The following CNTN4 variants were observed in gnomAD, a reference collection of about 807,000 sequenced individuals.
The protein encoded by CNTN4 is contactin-4.
In CNTN4, 77 loss-of-function variants were observed where a neutral mutation model predicts 122.5. That is an observed-to-expected ratio of 0.63 (90% confidence interval 0.52 to 0.76). The LOEUF (loss-of-function observed/expected upper bound fraction) is 0.76. Among genes scored for constraint, CNTN4 ranks in the 30% least tolerant of loss-of-function variants. The pLI is 0.00. For synonymous variants in CNTN4, 512 were observed against 447.0 expected (o/e 1.15, Z -1.83); for missense variants, 1,256 against 1,259.1 (o/e 1.00, Z 0.04).
At chr3:2,218,179 G>C (rs1335778789) in intron 2 of CNTN4, among the ~76,000 whole-genome samples, 1 of 152,090 alleles carries the variant, frequency 6.6e-6, no homozygotes, top group African/African-American at 2.4e-5. Context: ...GGCTTTTTAT[G>C]GTGGAGTCAA....
intron 4 of CNTN4, among the ~76,000 whole-genome samples, chr3:2,724,795 A>C (rs902401005): frequency 6.6e-6 from 1 of 152,178 alleles, no homozygotes; most frequent in African/African-American, 2.4e-5. Context: ...GAAGGGCTTA[A>C]AACAGATAGT....
At chr3:2,121,724 G>A (rs2033794566) in intron 2 of CNTN4, among the ~76,000 whole-genome samples, 1 of 152,076 alleles carries the variant, frequency 6.6e-6, no homozygotes, top group South Asian at 2.1e-4. Context: ...AAGAGTTAAA[G>A]GTAATTATCC....
chr3:2,960,533 G>A (rs1393281488), intron 13 of CNTN4, among the ~76,000 whole-genome samples: 2 of 152,168 alleles, frequency 1.3e-5, no homozygotes, highest in African/African-American at 4.8e-5. Context: ...TGTAGAAGAA[G>A]GGGAATGTGT....
intron 3 of CNTN4, among the ~76,000 whole-genome samples, chr3:2,428,210 C>T (rs962676041): frequency 2.0e-5 from 3 of 152,082 alleles, no homozygotes; most frequent in South Asian, 4.1e-4. Context: ...TGGCTGGTAC[C>T]GGTTGTTGCT....
At chr3:2,596,751 T>A (rs890128646) in intron 4 of CNTN4, among the ~76,000 whole-genome samples, 6 of 152,160 alleles carry the variant, frequency 3.9e-5, no homozygotes, top group African/African-American at 4.8e-5. Flanking sequence ...AGGTCCATGC[T>A]CTTTATCACT....
rs187174794 is a variant in CNTN4 at position 2,673,261 on chromosome 3, T to C, written c.56-62954T>C. 2.7e-3 allele frequency among the ~76,000 whole-genome samples: 409 copies of C among 152,190 alleles called. 3 individuals carry two copies. The highest frequency in any genetic ancestry group is 9.6e-3 in the African/African-American group (398 of 41,526). On this transcript the variant is annotated intron_variant, in intron 4 of 24. Transcript: ENST00000418658. The stretch of plus-strand genomic sequence containing the variant: ...TAAAATAGGTATAAAAGGGAGTGCT[T>C]TTGGGTGGCTATGTACAGTCGATTT...
At chr3:2,555,765 T>C (rs185915462) in intron 3 of CNTN4, among the ~76,000 whole-genome samples, 118 of 152,308 alleles carry the variant, frequency 7.7e-4, no homozygotes, top group African/African-American at 2.7e-3. Flanking sequence ...AAGCAGGTTT[T>C]TACTGACTTT....
intron 4 of CNTN4, among the ~76,000 whole-genome samples, chr3:2,693,591 A>G (rs1348542540): frequency 6.6e-6 from 1 of 152,176 alleles, no homozygotes; most frequent in African/African-American, 2.4e-5. Context: ...GACTCTCAGG[A>G]AAGGGTTTTG....
chr3:2,371,449 C>G (rs971682710), intron 3 of CNTN4, among the ~76,000 whole-genome samples: 15 of 65,412 alleles, frequency 2.3e-4, no homozygotes, highest in Non-Finnish European at 3.5e-4. Flanking sequence ...CTTTTTTCCT[C>G]TAGCATTTAT....
At chr3:2,746,042 AC>A (rs2089739368) in intron 6 of CNTN4, among the ~76,000 whole-genome samples, 13 of 152,196 alleles carry the variant, frequency 8.5e-5, no homozygotes, top group African/African-American at 3.1e-4. Flanking sequence ...CCACACACAC[AC>A]ATTTTAAATA....
chr3:3,000,880 C>CTTTT (rs59337830), intron 14 of CNTN4, among the ~76,000 whole-genome samples: 37 of 131,430 alleles, frequency 2.8e-4, no homozygotes, highest in East Asian at 9.3e-4. Context: ...TTCTTTCTTT[C>CTTTT]TTTTTTTTTT....
intron 2 of CNTN4, among the ~76,000 whole-genome samples, chr3:2,109,501 A>T (rs1367874948): frequency 6.6e-6 from 1 of 152,168 alleles, no homozygotes; most frequent in Non-Finnish European, 1.5e-5. Context: ...ACTTGTATTA[A>T]TATAAATCTT....
chr3:2,843,949 A>C (rs1169487996), intron 7 of CNTN4, among the ~76,000 whole-genome samples: 1 of 152,142 alleles, frequency 6.6e-6, no homozygotes, highest in Non-Finnish European at 1.5e-5. Context: ...CTCAGAAAAA[A>C]ATCCAAACCT....
At chr3:2,721,112 C>G (rs1165788856) in intron 4 of CNTN4, among the ~76,000 whole-genome samples, 4 of 152,108 alleles carry the variant, frequency 2.6e-5, no homozygotes, top group Non-Finnish European at 4.4e-5. Flanking sequence ...GCTGGGATTA[C>G]AGGCATGTGC....
intron 6 of CNTN4, among the ~76,000 whole-genome samples, chr3:2,792,996 C>G (rs1044074198): frequency 2.0e-5 from 3 of 152,182 alleles, no homozygotes; most frequent in Non-Finnish European, 4.4e-5. Flanking sequence ...AGACATGTAA[C>G]CTCCTTGGGG....
At chr3:2,953,727 A>G (rs183481770) in intron 13 of CNTN4, among the ~76,000 whole-genome samples, 2 of 152,296 alleles carry the variant, frequency 1.3e-5, no homozygotes, top group Admixed American at 6.5e-5. Context: ...CCTGACTCCA[A>G]CATATAAATT....
chr3:2,300,560 C>CTTTTTT lies in CNTN4; in HGVS notation c.-144-38593_-144-38588dup, dbSNP rs575192976. 4.5e-4 allele frequency among the ~76,000 whole-genome samples: 28 copies of CTTTTTT among 62,018 alleles called. 3 individuals are homozygous for CTTTTTT. Among genetic ancestry groups the CTTTTTT allele is most frequent in the Non-Finnish European group, 7.5e-4 (23 of 30,696 alleles). The allele number at this position is 62,018 out of a possible 152,430, so 40.7% of individuals were successfully genotyped here. Reference sequence around the variant, plus strand: ...ATGAGTTTATTTACACAGTGACCGTCTTTTTTTTTTTTTTTTTTTTTTTTT... The same window carrying CTTTTTT: ...ATGAGTTTATTTACACAGTGACCGTCTTTTTTTTTTTTTTTTTTTTTTTTTTTTTTT... On this transcript the variant is annotated intron_variant, in intron 2 of 24. Coordinates refer to ENST00000418658, the MANE Select transcript of CNTN4 (RefSeq NM_175607.3).
chr3:2,367,529 A>T (rs1319919100), intron 3 of CNTN4, among the ~76,000 whole-genome samples: 4 of 151,908 alleles, frequency 2.6e-5, no homozygotes, highest in Admixed American at 1.3e-4. Flanking sequence ...TCTTTTTTTT[A>T]TTTTTATTTT....
intron 8 of CNTN4, among the ~76,000 whole-genome samples, chr3:2,870,864 A>T (rs933127342): frequency 2.6e-5 from 4 of 152,184 alleles, no homozygotes; most frequent in African/African-American, 9.7e-5. Flanking sequence ...ATTTGTACCC[A>T]AAAGGCCACA....
Sources: allele counts gnomAD v4.1 joint callset (sites outside exome capture counted in the v4.1 genomes callset), GRCh38; gene constraint gnomAD v4.1.1; transcripts MANE v1.5; gene names NCBI Gene and HGNC (gene_info 2026-07-23, HGNC 2026-07-21).